The following SRGAP1 variants were observed in gnomAD, a reference collection of about 807,000 sequenced individuals.
SRGAP1 encodes SLIT-ROBO Rho GTPase activating protein 1.
SRGAP1 carries 43 observed loss-of-function variants against 121.9 expected under a neutral mutation model. The observed-to-expected ratio is 0.35, with a 90% CI of 0.28 to 0.46. SRGAP1 has a LOEUF of 0.46. SRGAP1 is among the 20% of genes least tolerant of loss of function. SRGAP1 has a pLI of 1.00. For synonymous variants in SRGAP1, 447 were observed against 485.4 expected (o/e 0.92, Z 1.04); for missense variants, 1,102 against 1,350.9 (o/e 0.82, Z 2.89).
chr12:64,016,975 A>T lies in SRGAP1; in HGVS notation c.452A>T (p.His151Leu), dbSNP rs1430830690. The T allele has an allele frequency of 1.9e-6, 3 of 1,552,204 alleles. No individual in the cohort carries two copies. The African/African-American group carries it at 4.1e-5, about 21-fold the overall frequency. Reference protein sequence around the residue: ...KKSKEIAFQLHEDLMKVLNEL... With the variant: ...KKSKEIAFQLLEDLMKVLNEL... ...AGCAAAGAGATTGCATTCCAACTTC[A>T]TGAGGATTTAATGAAGGTTCTTAAT... Residue 151 changes from histidine (H) to leucine (L), a missense_variant, in exon 4 of 22, where the codon CAT (histidine) becomes CTT (leucine). Around this residue, in one of 3 missense-constraint regions of SRGAP1, gnomAD observed 747 missense variants for 929.4 expected, o/e 0.80. Coordinates refer to ENST00000355086, the MANE Select transcript of SRGAP1 (RefSeq NM_020762.4).
intron 8 of SRGAP1, among the ~76,000 whole-genome samples, chr12:64,071,877 C>T (rs561332127): frequency 4.0e-5 from 6 of 148,856 alleles, no homozygotes; most frequent in South Asian, 2.4e-4. Flanking sequence ...CTCACCCCCC[C>T]CCAAAAAAAA....
chr12:63,905,282 G>A (rs932926155), intron 1 of SRGAP1, among the ~76,000 whole-genome samples: 9 of 152,166 alleles, frequency 5.9e-5, no homozygotes, highest in Admixed American at 5.9e-4. Context: ...ATTTATCAAA[G>A]TCTGCTTTGG....
intron 15 of SRGAP1, among the ~76,000 whole-genome samples, chr12:64,103,712 T>G (rs1357981427): frequency 6.6e-6 from 1 of 152,202 alleles, no homozygotes; most frequent in Non-Finnish European, 1.5e-5. Flanking sequence ...ACTGAGTAGG[T>G]AAAGCTCTCT....
At chr12:63,872,098 G>T in intron 1 of SRGAP1, 1 of 640,616 alleles carries the variant, frequency 1.6e-6, no homozygotes, top group Admixed American at 2.4e-5. Context: ...CAGTGTCCGA[G>T]ACCCTTGCCT....
intron 1 of SRGAP1, among the ~76,000 whole-genome samples, chr12:63,929,183 G>A (rs1388721710): frequency 3.3e-5 from 5 of 152,184 alleles, no homozygotes; most frequent in Non-Finnish European, 5.9e-5. Context: ...GGAGAATCAG[G>A]CTAGTGAGGT....
At chr12:63,905,991 A>ATC (rs2030186542) in intron 1 of SRGAP1, among the ~76,000 whole-genome samples, 2 of 152,164 alleles carry the variant, frequency 1.3e-5, no homozygotes, top group South Asian at 4.1e-4. Context: ...GCAGGTGTAA[A>ATC]ATATTTTCAT....
At chr12:63,943,591 G>C (rs992515760) in intron 1 of SRGAP1, among the ~76,000 whole-genome samples, 7 of 152,208 alleles carry the variant, frequency 4.6e-5, no homozygotes, top group Non-Finnish European at 1.0e-4. Flanking sequence ...CTTGGGTACA[G>C]GCTTTTAACA....
intron 1 of SRGAP1, among the ~76,000 whole-genome samples, chr12:63,872,902 G>A (rs1220104012): frequency 6.6e-6 from 1 of 152,182 alleles, no homozygotes; most frequent in Non-Finnish European, 1.5e-5. Context: ...CTGCCTGGGA[G>A]AGTACAATAC....
At chr12:64,141,580 G>C (rs916011957) in intron 21 of SRGAP1, among the ~76,000 whole-genome samples, 3 of 151,170 alleles carry the variant, frequency 2.0e-5, no homozygotes, top group Admixed American at 6.6e-5. Flanking sequence ...ACTGCATCTT[G>C]GGGGGGGAAA....
chr12:63,994,578 G>A (rs919303492), intron 3 of SRGAP1, among the ~76,000 whole-genome samples: 3 of 152,126 alleles, frequency 2.0e-5, no homozygotes, highest in Non-Finnish European at 2.9e-5. Flanking sequence ...TACCTTTGAG[G>A]CTGAATTGAT....
At chr12:63,895,342 G>A (rs1900719740) in intron 1 of SRGAP1, among the ~76,000 whole-genome samples, 2 of 152,148 alleles carry the variant, frequency 1.3e-5, no homozygotes, top group Admixed American at 1.3e-4. Context: ...TTTATGGGAT[G>A]TTTAGCCCTC....
intron 16 of SRGAP1, among the ~76,000 whole-genome samples, chr12:64,109,336 C>T (rs148908536): frequency 7.4e-4 from 112 of 152,104 alleles, no homozygotes; most frequent in African/African-American, 2.6e-3. Flanking sequence ...AGACTTTCAT[C>T]CAAAACTGTC....
intron 1 of SRGAP1, among the ~76,000 whole-genome samples, chr12:63,883,376 G>T (rs1172843117): frequency 6.6e-6 from 1 of 152,174 alleles, no homozygotes; most frequent in East Asian, 1.9e-4. Context: ...GCCCCAGAAA[G>T]TGACAAGAAG....
At chr12:64,073,065 A>G (rs1349746989) in intron 8 of SRGAP1, among the ~76,000 whole-genome samples, 2 of 152,168 alleles carry the variant, frequency 1.3e-5, no homozygotes, top group East Asian at 3.9e-4. Context: ...TTCAAGGCTC[A>G]TATTAGCTGT....
At chr12:63,875,272 T>G (rs761124558) in intron 1 of SRGAP1, among the ~76,000 whole-genome samples, 3 of 152,080 alleles carry the variant, frequency 2.0e-5, no homozygotes, top group Non-Finnish European at 2.9e-5. Context: ...GCTCAGTTAT[T>G]GTTTGGTGTG....
chr12:63,993,564 T>C (rs2136422852), intron 3 of SRGAP1, among the ~76,000 whole-genome samples: 1 of 152,340 alleles, frequency 6.6e-6, no homozygotes, highest in Middle Eastern at 3.4e-3. Flanking sequence ...CATGTCTGTA[T>C]GGAGATCCAA....
At chr12:63,937,505 T>C (rs2136346093) in intron 1 of SRGAP1, among the ~76,000 whole-genome samples, 1 of 152,320 alleles carries the variant, frequency 6.6e-6, no homozygotes, top group South Asian at 2.1e-4. Flanking sequence ...AATTACTTAG[T>C]TCAAATGTGA....
chr12:64,131,143 G>C (rs955862333), intron 21 of SRGAP1, among the ~76,000 whole-genome samples: 6 of 152,164 alleles, frequency 3.9e-5, no homozygotes, highest in African/African-American at 1.2e-4. Flanking sequence ...TGGGGAAAGA[G>C]GCTGAATGGT....
intron 4 of SRGAP1, among the ~76,000 whole-genome samples, chr12:64,027,984 A>G (rs2034691646): frequency 6.6e-6 from 1 of 152,228 alleles, no homozygotes; most frequent in African/African-American, 2.4e-5. Flanking sequence ...ACCTTGTAAT[A>G]TAGAGGTCTA....
Sources: gnomAD v4.1 joint callset for allele counts (sites outside exome capture counted in the v4.1 genomes callset) on GRCh38, gnomAD v4.1.1 for gene constraint, gnomAD v4.1.1 regional missense constraint, MANE v1.5 for transcripts, NCBI Gene and HGNC (gene_info 2026-07-23, HGNC 2026-07-21) for gene names.